ROBO2: variants seen among roughly 807,000 people sequenced by gnomAD.
ROBO2 encodes the protein roundabout guidance receptor 2, also known as roundabout homolog 2.
In ROBO2, 53 loss-of-function variants were observed where a neutral mutation model predicts 160.8. That is an observed-to-expected ratio of 0.33 (90% CI 0.26 to 0.41). ROBO2 has a LOEUF of 0.41. Among genes scored for constraint, ROBO2 ranks in the 10% least tolerant of loss-of-function variants. The pLI is 1.00. For synonymous variants in ROBO2, 664 were observed against 611.7 expected, an observed-to-expected ratio of 1.09 and a Z score of -1.26; for missense variants, 1,577 against 1,722.4, an observed-to-expected ratio of 0.92 and a Z score of 1.49.
rs541172894 is a variant in ROBO2, at chr3:76,609,287, G to A, written c.110-488727G>A. 7.5e-4 allele frequency among the ~76,000 whole-genome samples: 114 copies of A among 152,216 alleles called. 2 individuals carry two copies. The highest frequency in any genetic ancestry group is 1.4e-3 in the Non-Finnish European group (94 of 68,018). On this transcript the variant is annotated intron_variant, in intron 2 of 26. Coordinates refer to the ROBO2 transcript ENST00000487694. The stretch of plus-strand genomic sequence containing the variant: ...CCTTTGTAGTATAATTTGAAGTTAG[G>A]TAGTGTGATTACTCCAGTTTTGTTT...
At chr3:76,390,066 C>T (rs1039916455) in intron 2 of ROBO2, among the ~76,000 whole-genome samples, 1 of 152,110 alleles carries the variant, frequency 6.6e-6, no homozygotes. Flanking sequence ...ATTGTCTTCA[C>T]ATAAGGACTA....
intron 2 of ROBO2, among the ~76,000 whole-genome samples, chr3:76,464,375 A>G (rs1010300967): frequency 6.6e-6 from 1 of 152,172 alleles, no homozygotes; most frequent in Non-Finnish European, 1.5e-5. Flanking sequence ...TCTAAGGTAC[A>G]GAACAAAACC....
At chr3:76,882,465 C>T (rs997303979) in intron 2 of ROBO2, among the ~76,000 whole-genome samples, 2 of 152,032 alleles carry the variant, frequency 1.3e-5, no homozygotes, top group Non-Finnish European at 2.9e-5. Context: ...ACTCCCCCAT[C>T]CCCGCCCTAT....
intron 2 of ROBO2, among the ~76,000 whole-genome samples, chr3:76,967,577 A>G (rs1262678237): frequency 7.5e-6 from 1 of 134,108 alleles, no homozygotes; most frequent in Non-Finnish European, 1.5e-5. Context: ...GCTGGAGTGC[A>G]GTGGCAAGAT....
chr3:77,183,492 A>G (rs1426111832), intron 2 of ROBO2, among the ~76,000 whole-genome samples: 1 of 152,042 alleles, frequency 6.6e-6, no homozygotes, highest in Non-Finnish European at 1.5e-5. Context: ...AGAAATTAGA[A>G]CACAAACACA....
intron 2 of ROBO2, among the ~76,000 whole-genome samples, chr3:76,396,578 T>A (rs889886681): frequency 6.6e-6 from 1 of 152,034 alleles, no homozygotes; most frequent in Non-Finnish European, 1.5e-5. Flanking sequence ...AAAACCCCAT[T>A]GTCTCAGCCC....
At chr3:76,232,931 C>A (rs1704709352) in intron 2 of ROBO2, among the ~76,000 whole-genome samples, 1 of 152,136 alleles carries the variant, frequency 6.6e-6, no homozygotes, top group African/African-American at 2.4e-5. Context: ...AATTGGCTAA[C>A]CTACTTGTAT....
Position 77,230,177 on chromosome 3 carries a change from TCC to T in ROBO2, c.388+131838_388+131839del, listed in dbSNP as rs2086995208. 1.3e-5 allele frequency among the ~76,000 whole-genome samples: 2 copies of T among 152,066 alleles called. 1 individual carries two copies. The highest frequency in any genetic ancestry group is 3.9e-4 in the East Asian group (2 of 5,174). The stretch of plus-strand genomic sequence containing the variant: ...AGCTCATCTCACTGCAGCCTGGATC[TCC>T]TATACTCAAGGGATCCTCCCACTTC... On this transcript the variant is annotated intron_variant, in intron 2 of 25. Transcript: ENST00000461745.
At chr3:77,333,794 TA>T (rs1421503484) in intron 2 of ROBO2, among the ~76,000 whole-genome samples, 1 of 152,200 alleles carries the variant, frequency 6.6e-6, no homozygotes, top group Non-Finnish European at 1.5e-5. Flanking sequence ...TAATTACTTA[TA>T]GCTTAGGTTG....
intron 2 of ROBO2, among the ~76,000 whole-genome samples, chr3:76,369,213 G>T (rs1020323590): frequency 2.6e-5 from 4 of 151,908 alleles, no homozygotes; most frequent in Non-Finnish European, 5.9e-5. Flanking sequence ...TCATTGGTCA[G>T]GTATTAACAG....
At chr3:75,967,335 T>G (rs1260532482) in intron 2 of ROBO2, among the ~76,000 whole-genome samples, 1 of 151,584 alleles carries the variant, frequency 6.6e-6, no homozygotes, top group East Asian at 2.0e-4. Context: ...AGAGTTTTCC[T>G]TTGTTCAGAA....
At chr3:76,054,471 G>A (rs2107833418) in intron 2 of ROBO2, among the ~76,000 whole-genome samples, 1 of 152,246 alleles carries the variant, frequency 6.6e-6, no homozygotes, top group East Asian at 1.9e-4. Flanking sequence ...GTTGTTCACT[G>A]TTATCATGGC....
chr3:76,247,222 G>C (rs188671459), intron 2 of ROBO2, among the ~76,000 whole-genome samples: 2 of 152,160 alleles, frequency 1.3e-5, no homozygotes, highest in East Asian at 1.9e-4. Context: ...TGTTGGATTT[G>C]ACAGTAAAAT....
At chr3:75,922,732 A>C (rs552423827) in intron 1 of ROBO2, among the ~76,000 whole-genome samples, 1 of 152,260 alleles carries the variant, frequency 6.6e-6, no homozygotes, top group East Asian at 1.9e-4. Flanking sequence ...ATATACATCC[A>C]AAAACCCTTA....
chr3:76,359,540 C>T (rs1660568161), intron 2 of ROBO2, among the ~76,000 whole-genome samples: 2 of 151,976 alleles, frequency 1.3e-5, no homozygotes, highest in Admixed American at 6.6e-5. Flanking sequence ...ACATGTGATC[C>T]TTTACCTCCT....
At chr3:77,062,990 G>A (rs2066475019) in intron 1 of ROBO2, among the ~76,000 whole-genome samples, 1 of 152,066 alleles carries the variant, frequency 6.6e-6, no homozygotes, top group Admixed American at 6.5e-5. Flanking sequence ...TTATCCCAAG[G>A]ATAATAAAAA....
rs1384242041 is a variant in ROBO2 at position 77,089,458 on chromosome 3, C to CT, written c.62-8552dup. Among the ~76,000 whole-genome samples, 3 of 152,146 alleles carry CT rather than the reference C, an allele frequency of 2.0e-5. No homozygotes were observed. The East Asian group carries it at 5.8e-4, about 29-fold the overall frequency. ...GCTGCCTGTTGAGTTTGACAAACCT[C>CT]TTTTATCCTTATCAGTTCCCTTTCA... On this transcript the variant is annotated intron_variant, in intron 1 of 25. Coordinates refer to ENST00000461745, the Ensembl canonical transcript of ROBO2.
intron 2 of ROBO2, among the ~76,000 whole-genome samples, chr3:76,624,654 G>A (rs2109330474): frequency 6.6e-6 from 1 of 151,706 alleles, no homozygotes; most frequent in East Asian, 2.0e-4. Flanking sequence ...CAAAAAATTA[G>A]CCGGGCATGG....
intron 2 of ROBO2, among the ~76,000 whole-genome samples, chr3:76,396,391 C>A (rs933147401): frequency 5.3e-5 from 8 of 152,098 alleles, no homozygotes; most frequent in African/African-American, 1.7e-4. Flanking sequence ...AAACTGGAAG[C>A]ATTCCCTTTG....
Sources: allele counts gnomAD v4.1 joint callset (sites outside exome capture counted in the v4.1 genomes callset), GRCh38; gene constraint gnomAD v4.1.1; transcripts MANE v1.5; gene names NCBI Gene and HGNC (gene_info 2026-07-23, HGNC 2026-07-21).